The following FRY variants were observed in gnomAD, a reference collection of about 807,000 sequenced individuals.
The protein encoded by FRY is FRY microtubule binding protein.
FRY carries 128 observed loss-of-function variants against 348.4 expected under a neutral mutation model. The observed-to-expected ratio is 0.37, with a 90% CI of 0.32 to 0.43. FRY has a LOEUF of 0.43. Ranked by LOEUF, FRY falls within the 20% of genes least tolerant of loss-of-function variation. The probability of loss-of-function intolerance (pLI) is 1.00; values close to 1 mark genes in which losing one functional copy is unlikely to be tolerated. For synonymous variants in FRY, 1,370 were observed against 1,374.7 expected (o/e 1.00, Z 0.08); for missense variants, 2,736 against 3,695.2 (o/e 0.74, Z 6.73).
chr13:32,259,117 A>G (rs1424351293), intron 51 of FRY, among the ~76,000 whole-genome samples: 2 of 152,180 alleles, frequency 1.3e-5, no homozygotes. Context: ...GCATTTTCTC[A>G]CATGTAGGAA....
intron 1 of FRY, among the ~76,000 whole-genome samples, chr13:32,043,469 G>C (rs1872854057): frequency 6.6e-6 from 1 of 152,100 alleles, no homozygotes. Context: ...CATTTCCTCT[G>C]GTCTTTACCA....
chr13:32,294,500 A>G lies in FRY; in HGVS notation c.8713A>G (p.Ile2905Val). The change falls in exon 60 of 61, where the codon ATC (isoleucine) becomes GTC (valine). Residue 2905 changes from isoleucine (I) to valine (V), a missense_variant. Ile to Val is a conservative substitution (Grantham distance 29). Around this residue, in one of 9 missense-constraint regions of FRY, gnomAD observed 157 missense variants for 215.2 expected, o/e 0.73. Coordinates refer to ENST00000542859, the MANE Select transcript of FRY (RefSeq NM_023037.3). ...EPTFTSTEAAIQSMLECLKNN... is the reference protein window; with the variant it reads ...EPTFTSTEAAVQSMLECLKNN... ...CACCTTCACGTCCACTGAAGCAGCCATCCAGTCCATGCTGGAGTGCCTGAA... is the reference window on the plus strand; with the variant it reads ...CACCTTCACGTCCACTGAAGCAGCCGTCCAGTCCATGCTGGAGTGCCTGAA... The G allele has an allele frequency of 1.2e-6, 2 of 1,614,178 alleles. No individual in the cohort carries two copies. Among genetic ancestry groups the G allele is most frequent in the Non-Finnish European group, 1.7e-6 (2 of 1,179,988 alleles).
intron 2 of FRY, among the ~76,000 whole-genome samples, chr13:32,092,711 A>G (rs1235062940): frequency 6.6e-6 from 1 of 152,192 alleles, no homozygotes; most frequent in East Asian, 1.9e-4. Context: ...AAACTCAAAG[A>G]GAAACCCAGA....
chr13:32,178,736 C>T (rs910625539), intron 21 of FRY, 108 bp from the exon 22 acceptor site: 3 of 802,784 alleles, frequency 3.7e-6, no homozygotes, highest in South Asian at 2.9e-5. Flanking sequence ...CATTCTTAAT[C>T]GACAGTTGTT....
chr13:32,285,814 A>G (rs1435986741), intron 58 of FRY, among the ~76,000 whole-genome samples: 7 of 152,212 alleles, frequency 4.6e-5, no homozygotes, highest in East Asian at 3.8e-4. Context: ...TTCTGCGGCT[A>G]TATAGACTTA....
chr13:32,162,160 T>C (rs1277266785), intron 17 of FRY, among the ~76,000 whole-genome samples: 1 of 152,186 alleles, frequency 6.6e-6, no homozygotes, highest in Non-Finnish European at 1.5e-5. Flanking sequence ...TTGAGGCATT[T>C]GGACTGATGA....
chr13:32,071,753 A>C (rs369538251), intron 1 of FRY, among the ~76,000 whole-genome samples: 111 of 152,294 alleles, frequency 7.3e-4, no homozygotes, highest in African/African-American at 2.4e-3. Context: ...GTTGCTAATC[A>C]GTGGATATAA....
At chr13:32,268,497 A>ATATATATAT (rs1351340927) in intron 55 of FRY, among the ~76,000 whole-genome samples, 2 of 15,438 alleles carry the variant, frequency 1.3e-4, no homozygotes, top group African/African-American at 3.0e-4. Context: ...AAAAAAAAAA[A>ATATATATAT]AAAAAAAAAT....
intron 5 of FRY, 53 bp from the exon 6 acceptor site, chr13:32,124,549 C>T (rs1593640555): frequency 4.7e-6 from 5 of 1,063,186 alleles, no homozygotes; most frequent in Non-Finnish European, 5.9e-6. Context: ...AGTACTGTAC[C>T]GATTTGTTCT....
At position 32,249,506 on chromosome 13, in the gene FRY, G is replaced by C; in HGVS notation, c.7009-20G>C. ...CAAAACCATTGAGACAGAATAATGTGCGTTTGTCTTCTTCTCAAGACTCCA... is the reference window on the plus strand; with the variant it reads ...CAAAACCATTGAGACAGAATAATGTCCGTTTGTCTTCTTCTCAAGACTCCA... On this transcript the variant is annotated intron_variant, in intron 48 of 60. Coordinates refer to ENST00000542859, the MANE Select transcript of FRY (RefSeq NM_023037.3). 6.2e-7 allele frequency: 1 copy of C among 1,613,578 alleles called. No homozygotes were observed. Among genetic ancestry groups the C allele is most frequent in the Non-Finnish European group, 8.5e-7 (1 of 1,179,816 alleles).
chr13:32,173,477 G>A lies in FRY; in HGVS notation c.2262G>A (p.Val754=), dbSNP rs1882207757. The change falls in exon 19 of 61, where the codon GTG becomes GTA. Residue 754 remains valine, a synonymous_variant. Coordinates refer to ENST00000542859, the MANE Select transcript of FRY (RefSeq NM_023037.3). The part of the protein sequence containing the change: ...FALVLLCSFQ[V]ATRKLSVLIL... The stretch of plus-strand genomic sequence containing the variant: ...TGGTTTTACTCTGCAGTTTCCAGGT[G>A]GCCACACGCAAACTGTCCGTTTTAA... 2.5e-6 allele frequency: 4 copies of A among 1,613,374 alleles called. No individual in the cohort carries two copies. Among genetic ancestry groups the A allele is most frequent in the Non-Finnish European group, 3.4e-6 (4 of 1,179,788 alleles).
intron 1 of FRY, among the ~76,000 whole-genome samples, chr13:32,044,514 A>C (rs1192634098): frequency 6.6e-6 from 1 of 152,242 alleles, no homozygotes; most frequent in East Asian, 1.9e-4. Context: ...ATGCTAATAA[A>C]GAAATAAGAG....
chr13:32,098,071 G>A (rs1876873190), intron 2 of FRY, among the ~76,000 whole-genome samples: 1 of 152,018 alleles, frequency 6.6e-6, no homozygotes, highest in African/African-American at 2.4e-5. Flanking sequence ...CCAGCACCAA[G>A]CGAAATGCAC....
At chr13:32,072,374 T>C (rs922608626) in intron 1 of FRY, among the ~76,000 whole-genome samples, 4 of 152,242 alleles carry the variant, frequency 2.6e-5, no homozygotes, top group African/African-American at 9.6e-5. Flanking sequence ...AATAAGTAAT[T>C]ATTTAAGAAT....
chr13:32,166,053 A>G (rs895725673), intron 17 of FRY, among the ~76,000 whole-genome samples: 2 of 152,166 alleles, frequency 1.3e-5, no homozygotes, highest in African/African-American at 2.4e-5. Context: ...TGACGTGAGC[A>G]GTGAGAATCA....
chr13:32,196,821 A>G (rs1163546376), intron 29 of FRY, among the ~76,000 whole-genome samples: 1 of 152,226 alleles, frequency 6.6e-6, no homozygotes, highest in Non-Finnish European at 1.5e-5. Context: ...ACAGCTCACT[A>G]CTATAATTTA....
chr13:32,219,308 C>CT (rs1885182615), intron 36 of FRY, among the ~76,000 whole-genome samples: 1 of 149,000 alleles, frequency 6.7e-6, no homozygotes, highest in Non-Finnish European at 1.5e-5. Context: ...CCAGGATGGT[C>CT]TCGATCTCCT....
intron 15 of FRY, 91 bp downstream of exon 15, chr13:32,155,753 A>G: frequency 1.2e-6 from 1 of 825,766 alleles, no homozygotes; most frequent in South Asian, 1.8e-5. Flanking sequence ...AGTTTTTAAA[A>G]ATCTTTATAG....
Position 32,237,354 on chromosome 13 carries a change from T to C in FRY, c.5811-25T>C. Reference sequence around the variant, plus strand: ...TTGGTGACACATGTTGGCATCCTATTAAACTTATTTATTTTTATACCCAGC... The same window carrying C: ...TTGGTGACACATGTTGGCATCCTATCAAACTTATTTATTTTTATACCCAGC... On this transcript the variant is annotated intron_variant, in intron 43 of 60. Transcript: ENST00000542859. The surrounding 1 kb of genome is among the most constrained non-coding windows in gnomAD (Gnocchi z 6.3). 6.2e-7 allele frequency: 1 copy of C among 1,612,200 alleles called. No individual in the cohort carries two copies. The highest frequency in any genetic ancestry group is 8.5e-7 in the Non-Finnish European group (1 of 1,179,628).
Sources: allele counts gnomAD v4.1 joint callset (sites outside exome capture counted in the v4.1 genomes callset), GRCh38; gene constraint gnomAD v4.1.1; regional missense constraint gnomAD v4.1.1; non-coding constraint Gnocchi (gnomAD v3.1); transcripts MANE v1.5; gene names NCBI Gene and HGNC (gene_info 2026-07-23, HGNC 2026-07-21).